Variants in SENP7 observed in about 807,000 individuals in gnomAD.
SENP7 encodes sentrin-specific protease 7.
SENP7 carries 64 observed loss-of-function variants against 141.2 expected under a neutral mutation model. That is an observed-to-expected ratio of 0.45 (90% CI 0.37 to 0.56). The LOEUF (loss-of-function observed/expected upper bound fraction) is 0.56. SENP7 is among the 20% of genes least tolerant of loss of function. SENP7 has a pLI of 0.00. For missense variants in SENP7, 1,025 were observed against 1,212.2 expected (o/e 0.85, Z 2.29); for synonymous variants, 382 against 426.4 (o/e 0.90, Z 1.28).
chr3:101,482,238 A>T (rs1396125338), intron 3 of SENP7, among the ~76,000 whole-genome samples: 1 of 151,778 alleles, frequency 6.6e-6, no homozygotes, highest in East Asian at 1.9e-4. Context: ...GCATGAATCC[A>T]GGAGACGGAG....
chr3:101,364,450 G>A (rs889219669), intron 10 of SENP7, among the ~76,000 whole-genome samples: 12 of 152,066 alleles, frequency 7.9e-5, no homozygotes, highest in African/African-American at 2.7e-4. Flanking sequence ...ATATCATACT[G>A]CCTTCATAGT....
At chr3:101,420,522 C>T (rs1034137757) in intron 4 of SENP7, among the ~76,000 whole-genome samples, 5 of 152,194 alleles carry the variant, frequency 3.3e-5, no homozygotes, top group Admixed American at 6.5e-5. Flanking sequence ...TATAATGCCA[C>T]AAATATCCTT....
chr3:101,461,987 T>G (rs2107898991), intron 3 of SENP7, among the ~76,000 whole-genome samples: 2 of 152,306 alleles, frequency 1.3e-5, no homozygotes, highest in East Asian at 3.9e-4. Context: ...AACAAAGTAG[T>G]AATTTCCAGG....
chr3:101,484,860 C>T (rs562169935), intron 3 of SENP7, among the ~76,000 whole-genome samples: 61 of 152,134 alleles, frequency 4.0e-4, no homozygotes, highest in African/African-American at 1.4e-3. Flanking sequence ...ACCATTTGAA[C>T]GGGGTGAGAA....
intron 3 of SENP7, among the ~76,000 whole-genome samples, chr3:101,480,891 A>T (rs533688336): frequency 2.6e-4 from 39 of 152,110 alleles, no homozygotes; most frequent in Admixed American, 1.4e-3. Flanking sequence ...ATCACTAACC[A>T]CTAGGGAAAT....
intron 6 of SENP7, among the ~76,000 whole-genome samples, chr3:101,386,915 T>C (rs2060669531): frequency 6.6e-6 from 1 of 152,196 alleles, no homozygotes; most frequent in Non-Finnish European, 1.5e-5. Flanking sequence ...CACTAGCACA[T>C]GCCATACAGG....
chr3:101,387,731 T>A (rs2060700137), intron 6 of SENP7, among the ~76,000 whole-genome samples: 1 of 152,180 alleles, frequency 6.6e-6, no homozygotes. Context: ...ATTACCCCCA[T>A]GATTCTTCCG....
chr3:101,401,941 G>A (rs968829265), intron 5 of SENP7, among the ~76,000 whole-genome samples: 4 of 150,910 alleles, frequency 2.7e-5, no homozygotes, highest in East Asian at 3.9e-4. Flanking sequence ...CCATGATGAC[G>A]CTAGCTGGGA....
intron 6 of SENP7, among the ~76,000 whole-genome samples, chr3:101,373,816 T>A (rs769589593): frequency 2.6e-5 from 4 of 152,166 alleles, no homozygotes; most frequent in Non-Finnish European, 5.9e-5. Flanking sequence ...GGTTCTAAAC[T>A]GTACATGGTG....
At chr3:101,505,961 AT>A (rs1336471370) in intron 1 of SENP7, among the ~76,000 whole-genome samples, 3 of 152,098 alleles carry the variant, frequency 2.0e-5, no homozygotes, top group Non-Finnish European at 2.9e-5. Flanking sequence ...CATTCTAAAT[AT>A]ATGAGTCAAA....
intron 4 of SENP7, among the ~76,000 whole-genome samples, chr3:101,429,376 TG>T (rs1274858900): frequency 6.6e-6 from 1 of 152,144 alleles, no homozygotes; most frequent in Non-Finnish European, 1.5e-5. Context: ...CCTGGAGTAG[TG>T]GTTTGTAGTT....
At chr3:101,427,489 C>CCAAA (rs2062001529) in intron 4 of SENP7, among the ~76,000 whole-genome samples, 2 of 56,642 alleles carry the variant, frequency 3.5e-5, no homozygotes, top group South Asian at 1.1e-3. Context: ...GACACTGTCT[C>CCAAA]CAAAAAAAAA....
chr3:101,467,326 C>T (rs907461484), intron 3 of SENP7, among the ~76,000 whole-genome samples: 1 of 152,250 alleles, frequency 6.6e-6, no homozygotes, highest in Non-Finnish European at 1.5e-5. Flanking sequence ...CTGAAGAGAG[C>T]AGTGGTTCTC....
At chr3:101,424,854 A>G (rs575961365) in intron 4 of SENP7, among the ~76,000 whole-genome samples, 52 of 152,202 alleles carry the variant, frequency 3.4e-4, no homozygotes, top group Non-Finnish European at 6.6e-4. Flanking sequence ...TTCCCACCCA[A>G]ATCTCATCTT....
chr3:101,375,313 C>T (rs1459191229), intron 6 of SENP7, among the ~76,000 whole-genome samples: 3 of 151,816 alleles, frequency 2.0e-5, no homozygotes, highest in South Asian at 2.1e-4. Flanking sequence ...GAGGCTGAGG[C>T]GGGCGGATCA....
chr3:101,354,422 A>G (rs2059686313), intron 11 of SENP7, among the ~76,000 whole-genome samples: 1 of 151,962 alleles, frequency 6.6e-6, no homozygotes, highest in Non-Finnish European at 1.5e-5. Flanking sequence ...CCCACCTTCA[A>G]GTAGGCTCCA....
chr3:101,454,008 AAAAG>A (rs2063256946), intron 4 of SENP7, among the ~76,000 whole-genome samples: 4 of 152,358 alleles, frequency 2.6e-5, no homozygotes, highest in East Asian at 1.9e-4. Flanking sequence ...GGAAGGAAAG[AAAAG>A]AAAGAGAGAG....
At chr3:101,391,477 T>C (rs1453978694) in intron 6 of SENP7, among the ~76,000 whole-genome samples, 2 of 151,890 alleles carry the variant, frequency 1.3e-5, no homozygotes, top group African/African-American at 2.4e-5. Context: ...GCCAGCAAAC[T>C]GGAAAATCTC....
intron 4 of SENP7, among the ~76,000 whole-genome samples, chr3:101,428,819 G>T (rs1386978171): frequency 6.6e-6 from 1 of 151,772 alleles, no homozygotes; most frequent in African/African-American, 2.4e-5. Flanking sequence ...GGTTTTTATG[G>T]TTTTAGGTCT....
Sources: allele counts gnomAD v4.1 joint callset (sites outside exome capture counted in the v4.1 genomes callset), GRCh38; gene constraint gnomAD v4.1.1; transcripts MANE v1.5; gene names NCBI Gene and HGNC (gene_info 2026-07-23, HGNC 2026-07-21).